Variants in ARPC4 observed in about 807,000 individuals in gnomAD.
ARPC4 encodes actin related protein 2/3 complex subunit 4.
In ARPC4, 3 loss-of-function variants were observed where a neutral mutation model predicts 22.8. That is an observed-to-expected ratio of 0.13 (90% confidence interval 0.06 to 0.34). The LOEUF is 0.34. Ranked by LOEUF, ARPC4 falls within the 10% of genes least tolerant of loss-of-function variation. The pLI, the probability that ARPC4 is intolerant of heterozygous loss-of-function variation, is 1.00. For missense variants in ARPC4, 98 were observed against 211.0 expected, an observed-to-expected ratio of 0.46 and a Z score of 3.32; for synonymous variants, 80 against 72.5, an observed-to-expected ratio of 1.10 and a Z score of -0.52.
chr3:9,801,175 C>T (rs1262317171), intron 3 of ARPC4, among the ~76,000 whole-genome samples: 1 of 133,840 alleles, frequency 7.5e-6, no homozygotes, highest in East Asian at 2.4e-4. Context: ...CGTACCACTG[C>T]ACTCCAGCCT....
intron 1 of ARPC4, among the ~76,000 whole-genome samples, chr3:9,795,094 C>T (rs1292741682): frequency 1.3e-5 from 2 of 152,052 alleles, no homozygotes; most frequent in African/African-American, 4.8e-5. Context: ...CAACCTCAGT[C>T]TCCTGGGTTC....
chr3:9,804,056 C>T, intron 5 of ARPC4, 43 bp downstream of exon 5: 1 of 1,604,382 alleles, frequency 6.2e-7, no homozygotes, highest in Non-Finnish European at 8.5e-7. Flanking sequence ...GCCAGAGGAT[C>T]TGGGGGTCAT....
chr3:9,796,726 G>C (rs145028900), intron 1 of ARPC4, among the ~76,000 whole-genome samples: 2,744 of 152,234 alleles, frequency 0.018, 73 homozygotes, highest in African/African-American at 0.062. Context: ...CAGATTACAA[G>C]GTCAGGAGAT....
At chr3:9,794,355 C>T (rs34608163) in intron 1 of ARPC4, among the ~76,000 whole-genome samples, 29,477 of 151,984 alleles carry the variant, frequency 0.19, 3,413 homozygotes, top group East Asian at 0.57. Context: ...AAAAATTAGC[C>T]GGGCGTGGTG....
intron 1 of ARPC4, among the ~76,000 whole-genome samples, chr3:9,796,271 G>C (rs1311638948): frequency 6.6e-6 from 1 of 152,204 alleles, no homozygotes; most frequent in Non-Finnish European, 1.5e-5. Flanking sequence ...ATGTGCGCCT[G>C]TAATCCCAGC....
At chr3:9,806,175 A>G (rs2079103485) in intron 5 of ARPC4, 35 bp from the exon 6 acceptor site, 1 of 1,612,942 alleles carries the variant, frequency 6.2e-7, no homozygotes, top group Non-Finnish European at 8.5e-7. Context: ...ATGCAATAAT[A>G]ACCACCATGC....
intron 2 of ARPC4, 160 bp downstream of exon 2, chr3:9,797,937 A>G (rs2078929879): frequency 1.3e-6 from 1 of 757,924 alleles, no homozygotes; most frequent in Non-Finnish European, 2.1e-6. Context: ...TTTGGAGTTA[A>G]GAAAATAGGG....
intron 4 of ARPC4, 126 bp from the exon 5 acceptor site, chr3:9,803,716 CT>C (rs1440528505): frequency 9.0e-7 from 1 of 1,106,050 alleles, no homozygotes; most frequent in Non-Finnish European, 1.3e-6. Context: ...GGGTATGTAG[CT>C]TGGGAGAAGA....
chr3:9,799,822 C>T, intron 2 of ARPC4: 1 of 463,404 alleles, frequency 2.2e-6, no homozygotes, highest in South Asian at 1.6e-5. Flanking sequence ...TTTTGTAAAG[C>T]TCCTACTATG....
At chr3:9,792,553 GGAA>G, upstream of ARPC4, 10 of 1,227,700 alleles carry the variant, frequency 8.1e-6, no homozygotes, top group Non-Finnish European at 9.1e-6. Flanking sequence ...GCCGGGGGTG[GGAA>G]GAAGGTGGGC....
At chr3:9,796,005 T>C (rs1389837241) in intron 1 of ARPC4, among the ~76,000 whole-genome samples, 1 of 151,902 alleles carries the variant, frequency 6.6e-6, no homozygotes, top group Non-Finnish European at 1.5e-5. Flanking sequence ...CTGAGGCAGG[T>C]GAATCACTTG....
chr3:9,796,978 T>TTTTCTCCTC (rs1430797707), intron 1 of ARPC4, among the ~76,000 whole-genome samples: 2 of 151,836 alleles, frequency 1.3e-5, no homozygotes, highest in African/African-American at 4.8e-5. Context: ...TTATTCTCCT[T>TTTTCTCCTC]TTTCTCCTCC....
intron 2 of ARPC4, chr3:9,799,843 G>A (rs538795923): frequency 1.7e-4 from 83 of 478,644 alleles, no homozygotes; most frequent in Admixed American, 4.6e-4. Flanking sequence ...TGCCAGGCAC[G>A]CTATTAGACA....
At chr3:9,795,614 C>T (rs2078866491) in intron 1 of ARPC4, among the ~76,000 whole-genome samples, 1 of 152,180 alleles carries the variant, frequency 6.6e-6, no homozygotes, top group Non-Finnish European at 1.5e-5. Flanking sequence ...TACTCTGGAA[C>T]TCTTGCTGTC....
At chr3:9,802,836 C>T (rs552839976) in intron 4 of ARPC4, among the ~76,000 whole-genome samples, 1 of 151,094 alleles carries the variant, frequency 6.6e-6, no homozygotes, top group Non-Finnish European at 1.5e-5. Context: ...TGCTACCATG[C>T]CCAGCTAATT....
chr3:9,793,916 T>C (rs1396291127), intron 1 of ARPC4, among the ~76,000 whole-genome samples: 1 of 152,200 alleles, frequency 6.6e-6, no homozygotes, highest in Non-Finnish European at 1.5e-5. Context: ...TTCTCAGCTC[T>C]CTTTCAAGGT....
intron 3 of ARPC4, among the ~76,000 whole-genome samples, chr3:9,801,208 C>A (rs2079000601): frequency 1.4e-5 from 1 of 69,182 alleles, no homozygotes. Flanking sequence ...GAGATTCCAT[C>A]TCAGAAAAAA....
At chr3:9,792,912 G>A, upstream of ARPC4, 3 of 1,399,830 alleles carry the variant, frequency 2.1e-6, no homozygotes, top group Non-Finnish European at 2.8e-6. Context: ...AGTGACTCGA[G>A]TGCAAGAATT....
In ARPC4 at chr3:9,801,767, G is replaced by C. The variant is rs374693562; in HGVS notation, c.330+11G>C. On this transcript the variant is annotated intron_variant, in intron 4 of 5. Coordinates refer to ENST00000397261, the MANE Select transcript of ARPC4 (RefSeq NM_005718.5). ...AGGAAGCCTGTGGAGGTGAGACCCTGTGACCCATGAGTTTGCGATACCCAG... is the reference window on the plus strand; with the variant it reads ...AGGAAGCCTGTGGAGGTGAGACCCTCTGACCCATGAGTTTGCGATACCCAG... 436 of 1,590,360 alleles carry C rather than the reference G, an allele frequency of 2.7e-4. No individual in the cohort carries two copies. The highest frequency in any genetic ancestry group is 3.5e-4 in the Non-Finnish European group (402 of 1,165,054).
Sources: gnomAD v4.1 joint callset for allele counts (sites outside exome capture counted in the v4.1 genomes callset) on GRCh38, gnomAD v4.1.1 for gene constraint, MANE v1.5 for transcripts, NCBI Gene and HGNC (gene_info 2026-07-23, HGNC 2026-07-21) for gene names.